Variants in ZBTB16 observed in about 807,000 individuals in gnomAD.
ZBTB16 encodes the protein zinc finger and BTB domain containing 16.
A neutral mutation model predicts 56.8 loss-of-function variants in ZBTB16; 8 were observed. The ratio of observed to expected loss-of-function variants is 0.14; its 90% CI spans 0.08 to 0.25. The LOEUF is 0.25. ZBTB16 is among the 10% of genes least tolerant of loss of function. ZBTB16 has a pLI of 1.00. For missense variants in ZBTB16, 625 were observed against 903.0 expected, an observed-to-expected ratio of 0.69 and a Z score of 3.95; for synonymous variants, 363 against 368.5, an observed-to-expected ratio of 0.98 and a Z score of 0.17.
chr11:114,100,506 A>G (rs1019127316), intron 2 of ZBTB16, among the ~76,000 whole-genome samples: 7 of 152,186 alleles, frequency 4.6e-5, no homozygotes, highest in Non-Finnish European at 1.0e-4. Flanking sequence ...ACTAGTATGT[A>G]TTTAATATTT....
intron 3 of ZBTB16, among the ~76,000 whole-genome samples, chr11:114,164,671 C>T (rs757704894): frequency 2.0e-5 from 3 of 152,198 alleles, no homozygotes; most frequent in Non-Finnish European, 2.9e-5. Flanking sequence ...GAGGCCTGGC[C>T]GTGCTTTCTC....
At chr11:114,075,968 G>C (rs912867798) in intron 2 of ZBTB16, among the ~76,000 whole-genome samples, 1 of 152,118 alleles carries the variant, frequency 6.6e-6, no homozygotes, top group African/African-American at 2.4e-5. Flanking sequence ...CCTCATTCTT[G>C]AGGGGAACTT....
intron 3 of ZBTB16, among the ~76,000 whole-genome samples, chr11:114,177,443 C>T (rs915398300): frequency 1.3e-5 from 2 of 152,092 alleles, no homozygotes; most frequent in African/African-American, 2.4e-5. Flanking sequence ...AGAGATGGGG[C>T]TTCTTCATGT....
rs189568999 is a variant in ZBTB16 at position 114,252,765 on chromosome 11, T to C, written c.*2210T>C. On this transcript the variant is annotated 3_prime_UTR_variant, in exon 7 of 7. Transcript: ENST00000335953. ...AATGTAGGGAAGCCGGAGGGATGGGTGCTGCTGCGACGACCCCCCCGTCCC... is the reference window on the plus strand; with the variant it reads ...AATGTAGGGAAGCCGGAGGGATGGGCGCTGCTGCGACGACCCCCCCGTCCC... 6.6e-6 allele frequency among the ~76,000 whole-genome samples: 1 copy of C among 152,120 alleles called. No individual in the cohort carries two copies. The highest frequency in any genetic ancestry group is 6.5e-5 in the Admixed American group (1 of 15,282).
chr11:114,061,765 C>G lies in ZBTB16; in HGVS notation c.-90-1446C>G, dbSNP rs567382879. On this transcript the variant is annotated intron_variant, in intron 1 of 6. Transcript: ENST00000335953. ...CAGGCTCTGGGAGAGGCCTTTGTTT[C>G]CCAGCCCTGTCTTCCCTTCGTACTG... is the stretch of plus-strand genomic sequence containing the variant. Among the ~76,000 whole-genome samples the G allele has an allele frequency of 3.3e-5, 5 of 152,266 alleles. No homozygotes were observed. The East Asian group carries it at 9.7e-4, about 29-fold the overall frequency.
chr11:114,163,320 T>G (rs893801228), intron 3 of ZBTB16, among the ~76,000 whole-genome samples: 3 of 151,992 alleles, frequency 2.0e-5, no homozygotes, highest in African/African-American at 7.3e-5. Flanking sequence ...TGCTGCTGAT[T>G]CACAGCCAGA....
chr11:114,255,746 A>G lies in ZBTB16; in HGVS notation c.*5191A>G, dbSNP rs999485271. Among the ~76,000 whole-genome samples, 1 of 151,736 alleles carries G rather than the reference A, an allele frequency of 6.6e-6. No individual in the cohort carries two copies. Among genetic ancestry groups the G allele is most frequent in the Non-Finnish European group, 1.5e-5 (1 of 67,982 alleles). ...AAAAAAAAAAAAAGGAAAAAAAAAG[A>G]AAAAATGAATTTACTGCTGCAGGTT... On this transcript the variant is annotated 3_prime_UTR_variant, in exon 7 of 7. Coordinates refer to ENST00000335953, the MANE Select transcript of ZBTB16 (RefSeq NM_006006.6).
intron 4 of ZBTB16, among the ~76,000 whole-genome samples, chr11:114,233,032 T>TTCCCC (rs1555159413): frequency 2.4e-5 from 3 of 122,946 alleles, no homozygotes; most frequent in Non-Finnish European, 3.4e-5. Context: ...CCCCAACTCA[T>TTCCCC]CCCCGGCCCC....
chr11:114,191,611 G>A (rs1387573679), intron 4 of ZBTB16, among the ~76,000 whole-genome samples: 3 of 152,202 alleles, frequency 2.0e-5, no homozygotes, highest in African/African-American at 7.2e-5. Flanking sequence ...TTGACTGAGT[G>A]TTGTCCGTGG....
chr11:114,064,222 C>A lies in ZBTB16; in HGVS notation c.922C>A (p.Pro308Thr). Residue 308 changes from proline (P) to threonine (T), a missense_variant, in exon 2 of 7, where the codon CCC (proline) becomes ACC (threonine). Pro to Thr is a conservative substitution (Grantham distance 38). This residue lies in a region of ZBTB16 where 384 missense variants were observed against 393.5 expected (regional missense o/e 0.98). Transcript: ENST00000335953. This position sits in a 1 kb window ranked among gnomAD's most constrained non-coding sequence, Gnocchi z 4.2. Reference protein sequence around the residue: ...GREESAEQVPPPAEAGQAPTG... With the variant: ...GREESAEQVPTPAEAGQAPTG... ...AGAGGAGAGTGCCGAGCAGGTGCCA[C>A]CCCCAGCTGAGGCTGGCCAGGCCCC... 6.2e-7 allele frequency: 1 copy of A among 1,613,994 alleles called. No homozygotes were observed. Among genetic ancestry groups the A allele is most frequent in the Non-Finnish European group, 8.5e-7 (1 of 1,180,012 alleles).
intron 4 of ZBTB16, among the ~76,000 whole-genome samples, chr11:114,200,105 G>A (rs1462559284): frequency 6.6e-6 from 1 of 150,890 alleles, no homozygotes; most frequent in East Asian, 2.0e-4. Flanking sequence ...TCCAGCCTGG[G>A]GGACAGAGCG....
chr11:114,102,753 A>G (rs1940658281), intron 2 of ZBTB16, among the ~76,000 whole-genome samples: 1 of 152,128 alleles, frequency 6.6e-6, no homozygotes, highest in Non-Finnish European at 1.5e-5. Flanking sequence ...TGCCTGGAGA[A>G]TTTTATAGGC....
intron 4 of ZBTB16, among the ~76,000 whole-genome samples, chr11:114,241,497 G>A (rs1460612084): frequency 6.6e-6 from 1 of 152,160 alleles, no homozygotes; most frequent in African/African-American, 2.4e-5. Context: ...AAGGGATCCA[G>A]GCTGCACACT....
intron 2 of ZBTB16, among the ~76,000 whole-genome samples, chr11:114,133,742 T>C (rs1941729313): frequency 6.6e-6 from 1 of 152,106 alleles, no homozygotes; most frequent in African/African-American, 2.4e-5. Flanking sequence ...TGGAAATTGC[T>C]CCCCTGGTGG....
At chr11:114,160,733 G>A (rs1942565820) in intron 3 of ZBTB16, among the ~76,000 whole-genome samples, 1 of 152,174 alleles carries the variant, frequency 6.6e-6, no homozygotes, top group Non-Finnish European at 1.5e-5. Context: ...AATTAATCAA[G>A]TGTTTATGGG....
rs905204032 is a variant in ZBTB16 at position 114,252,367 on chromosome 11, G to A, written c.*1812G>A. ...ATTGCCAGAATTGGTCTATTTTCAC[G>A]GCTGGTCTTTGGGGAGGGGGGCGGG... On this transcript the variant is annotated 3_prime_UTR_variant, in exon 7 of 7. Coordinates refer to ENST00000335953, the MANE Select transcript of ZBTB16 (RefSeq NM_006006.6). Among the ~76,000 whole-genome samples, 7 of 136,382 alleles carry A rather than the reference G, an allele frequency of 5.1e-5. No homozygotes were observed. Among genetic ancestry groups the A allele is most frequent in the Admixed American group, 1.5e-4 (2 of 13,378 alleles). The allele number at this position is 136,382 out of a possible 152,430, so 89.5% of individuals were successfully genotyped here.
At chr11:114,074,942 C>T (rs1465588200) in intron 2 of ZBTB16, among the ~76,000 whole-genome samples, 3 of 152,038 alleles carry the variant, frequency 2.0e-5, no homozygotes, top group African/African-American at 4.8e-5. Flanking sequence ...GCAGTGAGGG[C>T]GACTTAACCG....
At chr11:114,200,320 A>T (rs1028393257) in intron 4 of ZBTB16, among the ~76,000 whole-genome samples, 4 of 152,198 alleles carry the variant, frequency 2.6e-5, no homozygotes, top group Non-Finnish European at 5.9e-5. Context: ...ACAGTGTATT[A>T]AATACCTACT....
intron 4 of ZBTB16, among the ~76,000 whole-genome samples, chr11:114,219,387 C>T (rs1454241002): frequency 1.3e-5 from 2 of 152,166 alleles, no homozygotes; most frequent in African/African-American, 2.4e-5. Flanking sequence ...ATTCCCTGAG[C>T]AAGTGTGTGA....
Sources: gnomAD v4.1 joint callset for allele counts (sites outside exome capture counted in the v4.1 genomes callset) on GRCh38, gnomAD v4.1.1 for gene constraint, gnomAD v4.1.1 regional missense constraint, Gnocchi (gnomAD v3.1) non-coding constraint, MANE v1.5 for transcripts, NCBI Gene and HGNC (gene_info 2026-07-23, HGNC 2026-07-21) for gene names.